CPNE7: variants seen among roughly 807,000 people sequenced by gnomAD.
CPNE7 encodes the protein copine 7.
Under a neutral mutation model 66.5 loss-of-function variants are expected in CPNE7, and 78 were observed. That is an observed-to-expected ratio of 1.17 (90% CI 0.98 to 1.42). The LOEUF (loss-of-function observed/expected upper bound fraction) is 1.42. Ranked by LOEUF, CPNE7 falls within the 40% of genes most tolerant of loss-of-function variation. The pLI is 0.00. For synonymous variants in CPNE7, 468 were observed against 336.7 expected (o/e 1.39, Z -4.27); for missense variants, 1,012 against 776.6 (o/e 1.30, Z -3.60).
At position 89,576,065 on chromosome 16, in the gene CPNE7, G is replaced by A; in HGVS notation, c.168G>A (p.Trp56Ter). ...VALLQQAQGQWVQVGRTEVVR... is the reference protein window; with the variant it reads ...VALLQQAQGQ ...TGCTGCAGCAGGCGCAGGGCCAGTG[G>A]GTGCAGGTAGGGCCGGGGCGTGGGA... Residue 56 changes from tryptophan (W) to a stop codon, truncating the protein, a stop_gained, in exon 1 of 15, where the codon TGG (tryptophan) becomes TGA (stop). Coordinates refer to ENST00000319518, the MANE Select transcript of CPNE7 (RefSeq NM_153636.3). LOFTEE classifies it high-confidence loss of function. 1.6e-6 allele frequency: 2 copies of A among 1,283,478 alleles called. No individual in the cohort carries two copies. The highest frequency in any genetic ancestry group is 5.9e-4 in the Middle Eastern group (2 of 3,380). 79.5% of individuals were successfully genotyped at this position (1,283,478 alleles called of 1,614,324 possible).
chr16:89,595,852 C>T (rs2059246667), intron 14 of CPNE7: 2 of 647,722 alleles, frequency 3.1e-6, no homozygotes, highest in South Asian at 1.5e-5. Context: ...ACAAGGGGCT[C>T]CTGGGATCCA....
chr16:89,588,389 G>T (rs2059117784), intron 9 of CPNE7, among the ~76,000 whole-genome samples: 1 of 152,196 alleles, frequency 6.6e-6, no homozygotes, highest in Non-Finnish European at 1.5e-5. Context: ...TAGAGGGGTT[G>T]GGCGGCCACT....
At position 89,584,896 on chromosome 16, in the gene CPNE7, GC is replaced by G; in HGVS notation, c.591+40del. ...GATGGGAACACAGGGAGGGGAAGGG[GC>G]TGTCCCCAGCCCTCACGCATCTCTG... On this transcript the variant is annotated intron_variant, in intron 5 of 14. Transcript: ENST00000319518. The surrounding 1 kb of genome is among the most constrained non-coding windows in gnomAD (Gnocchi z 6.0). The G allele has an allele frequency of 6.4e-7, 1 of 1,554,278 alleles. No individual in the cohort carries two copies. The highest frequency in any genetic ancestry group is 8.9e-7 in the Non-Finnish European group (1 of 1,128,748).
chr16:89,582,004 C>T (rs1048661775), intron 2 of CPNE7, among the ~76,000 whole-genome samples: 1 of 152,234 alleles, frequency 6.6e-6, no homozygotes, highest in Non-Finnish European at 1.5e-5. Context: ...GCAGGACATC[C>T]TATGCCTGTT....
chr16:89,597,048 G>A lies in CPNE7; in HGVS notation c.*427G>A. The A allele has an allele frequency of 6.3e-6, 1 of 157,508 alleles. No individual in the cohort carries two copies. Among genetic ancestry groups the A allele is most frequent in the Non-Finnish European group, 1.4e-5 (1 of 71,912 alleles). 9.8% of individuals were successfully genotyped at this position (157,508 alleles called of 1,614,324 possible). A position where few individuals can be genotyped will look rare whatever the true frequency, so the allele number is the denominator to read the frequency against. On this transcript the variant is annotated 3_prime_UTR_variant, in exon 15 of 15. Coordinates refer to ENST00000319518, the MANE Select transcript of CPNE7 (RefSeq NM_153636.3). ...CCAGACACCTGTCCCCACAGTCAAA[G>A]CCTGGGGACCCAGACATCCTGTCCC...
Position 89,591,161 on chromosome 16 carries a change from C to T in CPNE7, c.1203C>T (p.Cys401=). The T allele has an allele frequency of 1.9e-6, 3 of 1,608,800 alleles. No homozygotes were observed. Among genetic ancestry groups the T allele is most frequent in the South Asian group, 2.2e-5 (2 of 90,564 alleles). ...GCGTGGTGGAGGCCTACCAGAACTG[C>T]CTGCCCAGGGTCCAGCTCTACGGCC... is the stretch of plus-strand genomic sequence containing the variant. ...IQGVVEAYQN[C]LPRVQLYGPT... The change falls in exon 13 of 15, where the codon TGC becomes TGT. Residue 401 remains cysteine, a synonymous_variant. Coordinates refer to ENST00000319518, the MANE Select transcript of CPNE7 (RefSeq NM_153636.3).
chr16:89,596,371 G>C lies in CPNE7; in HGVS notation c.1540-113G>C, dbSNP rs966058608. 4.1e-5 allele frequency: 58 copies of C among 1,399,792 alleles called. 1 individual carries two copies. The African/African-American group carries it at 8.2e-4, about 20-fold the overall frequency. 86.7% of individuals were successfully genotyped at this position (1,399,792 alleles called of 1,614,324 possible). On this transcript the variant is annotated intron_variant, in intron 14 of 14. Transcript: ENST00000319518. ...ACCCAGGTGAGCCTCTGGTGGGGGT[G>C]GGTAGTCACCACTCGGCTCTGGAGG...
In CPNE7 at chr16:89,584,054, C is replaced by A. The variant is rs1282992235; in HGVS notation, c.459C>A (p.Asn153Lys). ...TGATCGCCGAGGACATCTCGGGGAA[C>A]AACGGCTACGTGGAGCTCTCCTTCC... ...ITVIAEDISG[N>K]NGYVELSFRA... is the part of the protein sequence containing the mutation. The change falls in exon 4 of 15, where the codon AAC becomes AAA. Residue 153 changes from asparagine to lysine, a missense_variant. By Grantham distance (94) the Asn-to-Lys change is moderately conservative. Transcript: ENST00000319518. The surrounding 1 kb of genome is among the most constrained non-coding windows in gnomAD (Gnocchi z 6.0). 6.2e-7 allele frequency: 1 copy of A among 1,612,262 alleles called. No individual in the cohort carries two copies. Among genetic ancestry groups the A allele is most frequent in the Non-Finnish European group, 8.5e-7 (1 of 1,179,648 alleles).
chr16:89,591,199 C>G lies in CPNE7; in HGVS notation c.1241C>G (p.Ala414Gly), dbSNP rs945662312. The part of the protein sequence containing the change: ...RVQLYGPTNV[A>G]PIISKVARVA... Reference sequence around the variant, plus strand: ...CAGCTCTACGGCCCCACCAACGTGGCGCCCATCATCTCCAAGGTGGCACGC... The same window carrying G: ...CAGCTCTACGGCCCCACCAACGTGGGGCCCATCATCTCCAAGGTGGCACGC... The change falls in exon 13 of 15, where the codon GCG (alanine) becomes GGG (glycine). Residue 414 changes from alanine (A) to glycine (G), a missense_variant. Ala to Gly is a moderately conservative substitution (Grantham distance 60, BLOSUM62 0). Transcript: ENST00000319518. 9 of 1,597,288 alleles carry G rather than the reference C, an allele frequency of 5.6e-6. No homozygotes were observed. The East Asian group carries it at 1.8e-4, about 32-fold the overall frequency.
At chr16:89,589,831 A>G (rs374879338) in intron 10 of CPNE7, 66 bp from the exon 11 acceptor site, 4 of 1,566,220 alleles carry the variant, frequency 2.6e-6, no homozygotes, top group Admixed American at 1.7e-5. Flanking sequence ...ATGTCTCCCT[A>G]GAAGTGGCCC....
chr16:89,576,053 G>T lies in CPNE7; in HGVS notation c.156G>T (p.Ala52=), dbSNP rs756948433. Residue 52 remains alanine, a synonymous_variant, in exon 1 of 15, where the codon GCG becomes GCT. Transcript: ENST00000319518. ...SDPSVALLQQ[A]QGQWVQVGRT... ...CCAGCGTGGCGTTGCTGCAGCAGGCGCAGGGCCAGTGGGTGCAGGTAGGGC... is the reference window on the plus strand; with the variant it reads ...CCAGCGTGGCGTTGCTGCAGCAGGCTCAGGGCCAGTGGGTGCAGGTAGGGC... The T allele has an allele frequency of 6.6e-5, 86 of 1,309,620 alleles. No homozygotes were observed. Among genetic ancestry groups the T allele is most frequent in the Non-Finnish European group, 8.3e-5 (85 of 1,030,204 alleles). 81.1% of individuals were successfully genotyped at this position (1,309,620 alleles called of 1,614,324 possible). A position where few individuals can be genotyped will look rare whatever the true frequency, so the allele number is the denominator to read the frequency against.
rs2059008894 is a variant in CPNE7 at position 89,584,754 on chromosome 16, GC to G, written c.508-17del. 3 of 1,600,480 alleles carry G rather than the reference GC, an allele frequency of 1.9e-6. No individual in the cohort carries two copies. The Admixed American group carries it at 5.0e-5, about 27-fold the overall frequency. ...CGATCTCACAGTGCCTGGCCCAGCA[GC>G]CCTTGTGCCTCTCCCCAGGACCTCT... On this transcript the variant is annotated intron_variant, in intron 4 of 14. Transcript: ENST00000319518. The surrounding 1 kb of genome is among the most constrained non-coding windows in gnomAD (Gnocchi z 6.0).
chr16:89,591,829 G>T (rs4998754), intron 13 of CPNE7, among the ~76,000 whole-genome samples: 62,823 of 149,164 alleles, frequency 0.42, 14,084 homozygotes, highest in Middle Eastern at 0.64. Context: ...GCCTCCCAAG[G>T]AGCTGGGACT....
At chr16:89,582,701 C>T (rs1056931301) in intron 2 of CPNE7, among the ~76,000 whole-genome samples, 1 of 152,268 alleles carries the variant, frequency 6.6e-6, no homozygotes, top group Non-Finnish European at 1.5e-5. Context: ...GCCGCATGCT[C>T]AGAAGCTGCT....
At chr16:89,593,156 A>G (rs1185229887) in intron 13 of CPNE7, among the ~76,000 whole-genome samples, 1 of 151,914 alleles carries the variant, frequency 6.6e-6, no homozygotes, top group Non-Finnish European at 1.5e-5. Flanking sequence ...GGCACGAGGT[A>G]CATTCATGAT....
chr16:89,582,666 C>T (rs1424010648), intron 2 of CPNE7, among the ~76,000 whole-genome samples: 3 of 152,254 alleles, frequency 2.0e-5, no homozygotes, highest in Non-Finnish European at 4.4e-5. Context: ...GACCTGGGAT[C>T]TGCTTTCTCT....
At chr16:89,588,214 C>CCCACAGATACACGGCCCCCGTGTCAG (rs2151448623) in intron 9 of CPNE7, among the ~76,000 whole-genome samples, 4 of 146,874 alleles carry the variant, frequency 2.7e-5, no homozygotes, top group South Asian at 2.2e-4. Flanking sequence ...CCGCGTGTCA[C>CCCACAGATACACGGCCCCCGTGTCAG]CCACAGATAC....
rs1444537497 is a variant in CPNE7 at position 89,579,917 on chromosome 16, C to T, written c.357+2196C>T. Among the ~76,000 whole-genome samples the T allele has an allele frequency of 7.0e-5, 4 of 57,138 alleles. 1 individual carries two copies. Among genetic ancestry groups the T allele is most frequent in the Non-Finnish European group, 1.5e-4 (3 of 19,900 alleles). 37.5% of individuals were successfully genotyped at this position (57,138 alleles called of 152,430 possible). On this transcript the variant is annotated intron_variant, in intron 2 of 14. Transcript: ENST00000319518. The stretch of plus-strand genomic sequence containing the variant: ...ATCTCACCCATCACACGGAACATCC[C>T]GTCACCCGCTGACACAGAACATCTC...
chr16:89,585,056 A>G (rs930813403), intron 5 of CPNE7, among the ~76,000 whole-genome samples, 199 bp downstream of exon 5: 1 of 152,186 alleles, frequency 6.6e-6, no homozygotes, highest in African/African-American at 2.4e-5. Context: ...GCCAGAATCC[A>G]GCAGGCTTGT....
Sources: gnomAD v4.1 joint callset for allele counts (sites outside exome capture counted in the v4.1 genomes callset) on GRCh38, gnomAD v4.1.1 for gene constraint, Gnocchi (gnomAD v3.1) non-coding constraint, MANE v1.5 for transcripts, NCBI Gene and HGNC (gene_info 2026-07-23, HGNC 2026-07-21) for gene names.